The following COG6 variants were observed in gnomAD, a reference collection of about 807,000 sequenced individuals.
The protein encoded by COG6 is component of oligomeric golgi complex 6.
Under a neutral mutation model 88.8 loss-of-function variants are expected in COG6, and 74 were observed. The observed-to-expected ratio is 0.83, with a 90% CI of 0.69 to 1.01. The LOEUF is 1.01. COG6 is among the 50% of genes least tolerant of loss of function. COG6 has a pLI of 0.00. For synonymous variants in COG6, 286 were observed against 278.7 expected, an observed-to-expected ratio of 1.03 and a Z score of -0.26; for missense variants, 800 against 797.9, an observed-to-expected ratio of 1.00 and a Z score of -0.03.
At chr13:39,697,312 C>G (rs181933690) in intron 12 of COG6, among the ~76,000 whole-genome samples, 4 of 151,440 alleles carry the variant, frequency 2.6e-5, no homozygotes, top group Non-Finnish European at 3.0e-5. Context: ...CTGGGAAACT[C>G]CAATATTTTG....
At chr13:39,777,316 G>A (rs961759509) in intron 18 of COG6, among the ~76,000 whole-genome samples, 3 of 152,172 alleles carry the variant, frequency 2.0e-5, no homozygotes, top group Non-Finnish European at 2.9e-5. Context: ...CGAGGGCAGA[G>A]GTCAGGTGGC....
rs879313109 is a variant in COG6, at chr13:39,743,625, CA to C, written c.1827-7313del. On this transcript the variant is annotated intron_variant, in intron 18 of 18. Coordinates refer to ENST00000455146, the MANE Select transcript of COG6 (RefSeq NM_020751.3). ...AGGCAATAATTAATAGCCTACCAAC[CA>C]AAAAAAAGTCCAGGACCAGATGGAT... Among the ~76,000 whole-genome samples, 1,165 of 151,602 alleles carry C rather than the reference CA, an allele frequency of 7.7e-3. 6 individuals carry two copies. The highest frequency in any genetic ancestry group is 0.012 in the Non-Finnish European group (844 of 67,820).
intron 13 of COG6, among the ~76,000 whole-genome samples, chr13:39,715,630 T>C (rs1878486802): frequency 1.3e-5 from 2 of 152,126 alleles, no homozygotes; most frequent in Admixed American, 6.5e-5. Context: ...TGCACATATA[T>C]GGAATAGCTT....
At chr13:39,780,137 A>G (rs1881587872) in intron 18 of COG6, among the ~76,000 whole-genome samples, 1 of 152,220 alleles carries the variant, frequency 6.6e-6, no homozygotes, top group South Asian at 2.1e-4. Flanking sequence ...TTACAAATGC[A>G]TTGAGTTCGA....
At chr13:39,731,078 C>G (rs927622172) in intron 18 of COG6, among the ~76,000 whole-genome samples, 3 of 152,050 alleles carry the variant, frequency 2.0e-5, no homozygotes, top group African/African-American at 7.2e-5. Context: ...CTGCCTTGAC[C>G]TCCCAAAGTG....
At chr13:39,669,352 A>G (rs903608018) in intron 4 of COG6, among the ~76,000 whole-genome samples, 2 of 152,226 alleles carry the variant, frequency 1.3e-5, no homozygotes, top group Non-Finnish European at 1.5e-5. Flanking sequence ...CTAAGAGGAT[A>G]ACAGATCAAT....
intron 18 of COG6, among the ~76,000 whole-genome samples, chr13:39,767,908 G>C (rs1881213838): frequency 6.6e-6 from 1 of 152,196 alleles, no homozygotes. Context: ...TTTAAAAATG[G>C]AGACCTGCTG....
At position 39,724,448 on chromosome 13, in the gene COG6, G is replaced by A. The variant is rs1879018454; in HGVS notation, c.1693-60G>A. ...ATGAACTATATTCAGTAAGTGAAAT[G>A]AAATGTATATCTCCTTTTTTACATC... On this transcript the variant is annotated intron_variant, in intron 16 of 18. Coordinates refer to ENST00000455146, the MANE Select transcript of COG6 (RefSeq NM_020751.3). 1.2e-5 allele frequency: 16 copies of A among 1,294,556 alleles called. No individual in the cohort carries two copies. In the South Asian group the frequency reaches 1.9e-4, roughly 15 times the overall value. The allele number at this position is 1,294,556 out of a possible 1,614,324, so 80.2% of individuals were successfully genotyped here.
chr13:39,693,612 G>A (rs747792701), intron 11 of COG6, among the ~76,000 whole-genome samples: 2 of 151,838 alleles, frequency 1.3e-5, no homozygotes, highest in East Asian at 1.9e-4. Context: ...CATGATCCAT[G>A]GTATTGTGTT....
chr13:39,753,455 A>G (rs998564840), downstream of COG6, among the ~76,000 whole-genome samples: 5 of 152,190 alleles, frequency 3.3e-5, no homozygotes, highest in African/African-American at 9.7e-5. Context: ...CAGACATTCA[A>G]TATTGCTTTG....
intron 4 of COG6, among the ~76,000 whole-genome samples, chr13:39,666,034 A>C (rs1236292016): frequency 1.3e-5 from 2 of 152,206 alleles, no homozygotes; most frequent in Non-Finnish European, 2.9e-5. Flanking sequence ...GTGTGGTTAC[A>C]ACAGAGACCA....
intron 7 of COG6, among the ~76,000 whole-genome samples, chr13:39,681,402 C>T (rs1445401204): frequency 6.6e-6 from 1 of 152,120 alleles, no homozygotes; most frequent in Non-Finnish European, 1.5e-5. Context: ...TCTACTTCCT[C>T]AAAGGCATGG....
At chr13:39,733,187 TTC>T (rs1223822458) in intron 18 of COG6, among the ~76,000 whole-genome samples, 2 of 151,104 alleles carry the variant, frequency 1.3e-5, no homozygotes, top group African/African-American at 4.9e-5. Flanking sequence ...AAAGAAAGAA[TTC>T]TTTTTTTTTT....
At chr13:39,677,698 T>G (rs1390959153) in intron 5 of COG6, 119 bp downstream of exon 5, 12 of 597,346 alleles carry the variant, frequency 2.0e-5, no homozygotes, top group Admixed American at 1.6e-4. Context: ...AATATTTTTA[T>G]GTTTGGAAAT....
intron 16 of COG6, among the ~76,000 whole-genome samples, chr13:39,724,084 C>T (rs567240430): frequency 6.6e-6 from 1 of 151,982 alleles, no homozygotes; most frequent in Non-Finnish European, 1.5e-5. Context: ...TTAAATGAAG[C>T]TCTTAAAACA....
intron 7 of COG6, among the ~76,000 whole-genome samples, chr13:39,680,981 G>A (rs1399777034): frequency 6.6e-6 from 1 of 152,114 alleles, no homozygotes; most frequent in Admixed American, 6.5e-5. Context: ...CAGTTTCCAG[G>A]GATTAGGATG....
intron 4 of COG6, among the ~76,000 whole-genome samples, chr13:39,666,576 C>T (rs975877172): frequency 2.8e-5 from 4 of 142,446 alleles, no homozygotes; most frequent in African/African-American, 1.0e-4. Flanking sequence ...AGTTTTACAT[C>T]CACTGATCTT....
intron 18 of COG6, among the ~76,000 whole-genome samples, chr13:39,744,951 A>G (rs907324177): frequency 6.6e-6 from 1 of 152,162 alleles, no homozygotes; most frequent in Admixed American, 6.5e-5. Context: ...AACACCACAC[A>G]TCTACAACCA....
intron 3 of COG6, among the ~76,000 whole-genome samples, chr13:39,662,316 A>C (rs1413560431): frequency 6.6e-6 from 1 of 151,860 alleles, no homozygotes; most frequent in African/African-American, 2.4e-5. Context: ...TAGTAGACAC[A>C]GGATTTCGCC....
Sources: allele counts gnomAD v4.1 joint callset (sites outside exome capture counted in the v4.1 genomes callset), GRCh38; gene constraint gnomAD v4.1.1; transcripts MANE v1.5; gene names NCBI Gene and HGNC (gene_info 2026-07-23, HGNC 2026-07-21).